Variants in EYS observed in about 807,000 individuals in gnomAD.
EYS encodes the protein EGF-like photoreceptor maintenance factor.
In EYS, 250 loss-of-function variants were observed where a neutral mutation model predicts 282.1. The ratio of observed to expected loss-of-function variants is 0.89; its 90% CI spans 0.80 to 0.98. EYS has a LOEUF of 0.98. EYS is among the 50% of genes least tolerant of loss of function. The probability of loss-of-function intolerance (pLI) is 0.00; values close to 1 mark genes in which losing one functional copy is unlikely to be tolerated. For synonymous variants in EYS, 1,355 were observed against 1,282.9 expected, an observed-to-expected ratio of 1.06 and a Z score of -1.20; for missense variants, 4,016 against 3,709.0, an observed-to-expected ratio of 1.08 and a Z score of -2.15.
chr6:65,079,345 A>G (rs536783180), intron 12 of EYS, among the ~76,000 whole-genome samples: 1 of 152,112 alleles, frequency 6.6e-6, no homozygotes, highest in Non-Finnish European at 1.5e-5. Flanking sequence ...ATTTAAATTT[A>G]AAAACTAATT....
intron 22 of EYS, among the ~76,000 whole-genome samples, chr6:64,793,124 T>C (rs566927587): frequency 2.0e-5 from 3 of 152,200 alleles, no homozygotes; most frequent in Admixed American, 2.0e-4. Context: ...CACCTCCTAG[T>C]ACTATTTATG....
intron 26 of EYS, among the ~76,000 whole-genome samples, chr6:64,445,455 T>A (rs1256849378): frequency 6.6e-6 from 1 of 152,228 alleles, no homozygotes; most frequent in African/African-American, 2.4e-5. Context: ...ATTCATATTA[T>A]GATTATACCT....
intron 28 of EYS, among the ~76,000 whole-genome samples, chr6:64,431,824 C>T (rs112247264): frequency 9.4e-4 from 143 of 152,152 alleles, no homozygotes; most frequent in Middle Eastern, 3.4e-3. Flanking sequence ...TAAGGAACAC[C>T]CTTCTCCTAT....
At chr6:64,904,215 A>G (rs931687956) in intron 16 of EYS, among the ~76,000 whole-genome samples, 2 of 152,222 alleles carry the variant, frequency 1.3e-5, no homozygotes, top group Non-Finnish European at 2.9e-5. Context: ...CTAGCAGACC[A>G]GGTAGTCTTC....
At chr6:64,251,412 C>G (rs1049965569) in intron 30 of EYS, among the ~76,000 whole-genome samples, 1 of 151,992 alleles carries the variant, frequency 6.6e-6, no homozygotes, top group Non-Finnish European at 1.5e-5. Context: ...CTTCTGATGT[C>G]TATATAAGCA....
chr6:64,795,352 G>A (rs576748803), intron 22 of EYS, among the ~76,000 whole-genome samples: 1 of 110,330 alleles, frequency 9.1e-6, no homozygotes, highest in Admixed American at 1.1e-4. Flanking sequence ...AGATGAAGTG[G>A]GTGGTTGGTT....
intron 11 of EYS, chr6:65,331,044 AC>A (rs1769779285): frequency 2.0e-6 from 2 of 984,136 alleles, no homozygotes; most frequent in Non-Finnish European, 2.4e-6. Flanking sequence ...CTTTAAAGGC[AC>A]CCATATGTGT....
chr6:64,871,393 T>C (rs1766592835), intron 19 of EYS, among the ~76,000 whole-genome samples: 1 of 151,872 alleles, frequency 6.6e-6, no homozygotes, highest in African/African-American at 2.4e-5. Context: ...AATATCCCTT[T>C]TGAAAAGATT....
At chr6:64,510,474 G>A (rs1026774495) in intron 26 of EYS, among the ~76,000 whole-genome samples, 32 of 151,464 alleles carry the variant, frequency 2.1e-4, no homozygotes, top group African/African-American at 7.8e-4. Flanking sequence ...TTTAACTTCT[G>A]CCTTAAGAAG....
intron 22 of EYS, among the ~76,000 whole-genome samples, chr6:64,758,734 A>G (rs530304569): frequency 1.3e-5 from 2 of 152,304 alleles, no homozygotes; most frequent in South Asian, 2.1e-4. Context: ...ATAATGGGAG[A>G]TGGAGCTAAA....
At chr6:64,762,708 C>G (rs1773199936) in intron 22 of EYS, among the ~76,000 whole-genome samples, 1 of 152,004 alleles carries the variant, frequency 6.6e-6, no homozygotes. Flanking sequence ...CACTCACAAC[C>G]ATGGTGCTCA....
At chr6:64,469,894 T>A (rs971757396) in intron 26 of EYS, among the ~76,000 whole-genome samples, 2 of 152,142 alleles carry the variant, frequency 1.3e-5, no homozygotes, top group Non-Finnish European at 2.9e-5. Flanking sequence ...GCCTTTTAGA[T>A]AATAGTAGCA....
intron 12 of EYS, among the ~76,000 whole-genome samples, chr6:65,253,731 A>T (rs1767387374): frequency 2.0e-5 from 3 of 151,920 alleles, no homozygotes; most frequent in African/African-American, 7.2e-5. Context: ...GATTCATAAA[A>T]ATACAAGCAA....
chr6:65,687,057 C>T (rs1473869405), intron 1 of EYS, among the ~76,000 whole-genome samples: 1 of 151,834 alleles, frequency 6.6e-6, no homozygotes, highest in Non-Finnish European at 1.5e-5. Flanking sequence ...CACATTTATA[C>T]CTAGACTAGT....
intron 41 of EYS, among the ~76,000 whole-genome samples, chr6:63,733,098 A>G (rs552804277): frequency 8.6e-5 from 13 of 152,030 alleles, no homozygotes; most frequent in Admixed American, 2.6e-4. Context: ...TAGGGTTCCT[A>G]CCATGATTAA....
chr6:64,197,108 C>T (rs948717638), intron 31 of EYS, among the ~76,000 whole-genome samples: 3 of 151,992 alleles, frequency 2.0e-5, no homozygotes, highest in Non-Finnish European at 4.4e-5. Context: ...TGCAGAGATT[C>T]AATAAAAGTT....
chr6:63,819,235 G>A (rs760171217), intron 36 of EYS, among the ~76,000 whole-genome samples: 7 of 152,142 alleles, frequency 4.6e-5, no homozygotes, highest in Admixed American at 1.3e-4. Context: ...TCAGTCACTC[G>A]GGGCAACACC....
At chr6:65,000,691 T>G (rs1771434743) in intron 13 of EYS, among the ~76,000 whole-genome samples, 3 of 152,072 alleles carry the variant, frequency 2.0e-5, no homozygotes, top group South Asian at 2.1e-4. Flanking sequence ...GGCAGGACAA[T>G]TGCTTGAACC....
At position 65,430,935 on chromosome 6, in the gene EYS, G is replaced by T. The variant is rs1239119501; in HGVS notation, c.863-25568C>A. 2.0e-5 allele frequency among the ~76,000 whole-genome samples: 3 copies of T among 152,196 alleles called. No individual in the cohort carries two copies. The East Asian group carries it at 5.8e-4, about 29-fold the overall frequency. On this transcript the variant is annotated intron_variant, in intron 5 of 42. Coordinates refer to ENST00000503581, the MANE Select transcript of EYS (RefSeq NM_001142800.2). ...GAGCCTCTGAGACTTGCTGTCCTCA[G>T]GTGAGATGCAGCACATTACCAACCT...
Sources: gnomAD v4.1 joint callset for allele counts (sites outside exome capture counted in the v4.1 genomes callset) on GRCh38, gnomAD v4.1.1 for gene constraint, MANE v1.5 for transcripts, NCBI Gene and HGNC (gene_info 2026-07-23, HGNC 2026-07-21) for gene names.